ANKRD6: variants seen among roughly 807,000 people sequenced by gnomAD.
ANKRD6 encodes ankyrin repeat domain 6.
A neutral mutation model predicts 82.3 loss-of-function variants in ANKRD6; 56 were observed. The observed-to-expected ratio is 0.68, with a 90% CI of 0.55 to 0.85. The LOEUF (loss-of-function observed/expected upper bound fraction) is 0.85, where lower values mean the gene tolerates loss of function less well. ANKRD6 is among the 40% of genes least tolerant of loss of function. The pLI, the probability that ANKRD6 is intolerant of heterozygous loss-of-function variation, is 0.00. For synonymous variants in ANKRD6, 347 were observed against 352.1 expected (o/e 0.99, Z 0.16); for missense variants, 852 against 907.6 (o/e 0.94, Z 0.79).
intron 1 of ANKRD6, among the ~76,000 whole-genome samples, chr6:89,456,185 G>A (rs529933263): frequency 2.4e-4 from 37 of 152,136 alleles, no homozygotes; most frequent in Non-Finnish European, 4.9e-4. Context: ...ATACACCATT[G>A]ATGAGGGATC....
intron 1 of ANKRD6, among the ~76,000 whole-genome samples, chr6:89,480,824 T>G (rs1490972208): frequency 6.7e-6 from 1 of 150,340 alleles, no homozygotes; most frequent in Non-Finnish European, 1.5e-5. Flanking sequence ...TGCCTGTAGT[T>G]TCAGCTACTT....
chr6:89,604,242 C>T (rs1797966273), intron 4 of ANKRD6, among the ~76,000 whole-genome samples: 1 of 151,968 alleles, frequency 6.6e-6, no homozygotes, highest in Middle Eastern at 3.2e-3. Context: ...GCAGGAGAAT[C>T]GCTTGAACCC....
intron 2 of ANKRD6, among the ~76,000 whole-genome samples, chr6:89,573,574 T>C (rs981926598): frequency 3.9e-5 from 6 of 152,202 alleles, no homozygotes; most frequent in Non-Finnish European, 2.9e-5. Flanking sequence ...CTGGAACCCA[T>C]GTCACTCTAA....
intron 2 of ANKRD6, among the ~76,000 whole-genome samples, chr6:89,581,809 C>CA (rs1165693373): frequency 6.6e-6 from 1 of 152,230 alleles, no homozygotes; most frequent in Admixed American, 6.5e-5. Flanking sequence ...AGTGTGTTGT[C>CA]ACATCCAGAG....
At chr6:89,501,553 TCTCTGTA>T (rs1281643521) in intron 1 of ANKRD6, among the ~76,000 whole-genome samples, 1 of 152,214 alleles carries the variant, frequency 6.6e-6, no homozygotes, top group Non-Finnish European at 1.5e-5. Context: ...TGGCTTTTAC[TCTCTGTA>T]ACTAATCCAC....
At chr6:89,603,317 G>A (rs916096602) in intron 4 of ANKRD6, among the ~76,000 whole-genome samples, 190 bp downstream of exon 4, 3 of 143,500 alleles carry the variant, frequency 2.1e-5, no homozygotes, top group Non-Finnish European at 3.0e-5. Context: ...CCAGCCAATT[G>A]TAATTTTTTT....
At chr6:89,462,931 G>A (rs1239186528) in intron 1 of ANKRD6, among the ~76,000 whole-genome samples, 1 of 148,950 alleles carries the variant, frequency 6.7e-6, no homozygotes, top group Non-Finnish European at 1.5e-5. Context: ...ATGCAGTGGT[G>A]CTATCAGAGC....
intron 1 of ANKRD6, among the ~76,000 whole-genome samples, chr6:89,445,072 T>G (rs1159373523): frequency 6.6e-6 from 1 of 152,202 alleles, no homozygotes; most frequent in African/African-American, 2.4e-5. Context: ...TTATTGCACT[T>G]TGCAGATACG....
At chr6:89,543,205 T>C (rs77655526) in intron 1 of ANKRD6, among the ~76,000 whole-genome samples, 1,643 of 152,356 alleles carry the variant, frequency 0.011, 44 homozygotes, top group African/African-American at 0.036. Flanking sequence ...GAGTGATGGC[T>C]GCCAGCTATT....
chr6:89,435,297 A>T (rs1770494921), intron 1 of ANKRD6, among the ~76,000 whole-genome samples: 1 of 152,154 alleles, frequency 6.6e-6, no homozygotes, highest in South Asian at 2.1e-4. Context: ...GAAGAACTAG[A>T]ACATCGCCAG....
intron 2 of ANKRD6, among the ~76,000 whole-genome samples, chr6:89,587,145 C>T (rs1226641522): frequency 7.1e-6 from 1 of 141,812 alleles, no homozygotes; most frequent in Non-Finnish European, 1.5e-5. Context: ...GAGTTGAGAT[C>T]ATGCCACTGC....
intron 2 of ANKRD6, among the ~76,000 whole-genome samples, chr6:89,586,733 G>A (rs1793774396): frequency 6.6e-6 from 1 of 152,128 alleles, no homozygotes; most frequent in Non-Finnish European, 1.5e-5. Flanking sequence ...TGTGAGGAGT[G>A]TGTGGGCCAT....
chr6:89,466,128 A>G (rs1157341976), intron 1 of ANKRD6, among the ~76,000 whole-genome samples: 1 of 152,180 alleles, frequency 6.6e-6, no homozygotes, highest in Non-Finnish European at 1.5e-5. Flanking sequence ...GTCCCCTAAT[A>G]ATATATCATG....
chr6:89,623,280 A>G, intron 10 of ANKRD6, 130 bp from the exon 11 acceptor site: 1 of 1,273,266 alleles, frequency 7.9e-7, no homozygotes, highest in Non-Finnish European at 1.0e-6. Context: ...TATGTCTGAA[A>G]TTTATGTTAT....
intron 14 of ANKRD6, among the ~76,000 whole-genome samples, chr6:89,628,011 C>A (rs988765331): frequency 1.3e-5 from 2 of 152,102 alleles, no homozygotes; most frequent in African/African-American, 4.8e-5. Context: ...ATAGTTTCTA[C>A]CCTCAGGGAG....
At chr6:89,511,304 T>G (rs1309263652) in intron 1 of ANKRD6, among the ~76,000 whole-genome samples, 1 of 152,214 alleles carries the variant, frequency 6.6e-6, no homozygotes, top group East Asian at 1.9e-4. Flanking sequence ...AGGCACACAC[T>G]GAGGCATTGG....
chr6:89,578,619 C>A (rs1791734190), intron 2 of ANKRD6, among the ~76,000 whole-genome samples: 1 of 152,108 alleles, frequency 6.6e-6, no homozygotes, highest in South Asian at 2.1e-4. Context: ...TGTATTGTTT[C>A]AGTTATTAAA....
intron 5 of ANKRD6, among the ~76,000 whole-genome samples, chr6:89,611,185 T>C (rs1343283222): frequency 6.8e-6 from 1 of 147,020 alleles, no homozygotes; most frequent in Non-Finnish European, 1.5e-5. Flanking sequence ...TTTTTTTTTT[T>C]AACTCATTTC....
At chr6:89,548,854 A>G (rs893940268) in intron 1 of ANKRD6, among the ~76,000 whole-genome samples, 1 of 152,208 alleles carries the variant, frequency 6.6e-6, no homozygotes, top group African/African-American at 2.4e-5. Context: ...TTAGGTTTCC[A>G]TTTCTGTTAT....
Sources: gnomAD v4.1 joint callset for allele counts (sites outside exome capture counted in the v4.1 genomes callset) on GRCh38, gnomAD v4.1.1 for gene constraint, MANE v1.5 for transcripts, NCBI Gene and HGNC (gene_info 2026-07-23, HGNC 2026-07-21) for gene names.